GEMIN8: variants seen among roughly 807,000 people sequenced by gnomAD.
The protein encoded by GEMIN8 is gem nuclear organelle associated protein 8.
For synonymous variants in GEMIN8, 80 were observed against 78.5 expected (o/e 1.02, Z -0.10); for missense variants, 185 against 205.9 (o/e 0.90, Z 0.62).
chrX:14,012,149 G>A (rs1411210084), intron 4 of GEMIN8, among the ~76,000 whole-genome samples: 2 of 89,544 alleles, frequency 2.2e-5, no homozygotes, highest in African/African-American at 8.4e-5. Context: ...TTTTTTTTTC[G>A]CTCTGTCACT....
intron 4 of GEMIN8, 142 bp from the exon 5 acceptor site, chrX:14,009,311 C>A: frequency 1.8e-6 from 1 of 559,808 alleles, no homozygotes; most frequent in South Asian, 3.0e-5. Context: ...ACTGTGAAAC[C>A]AGGCCCAAGT....
At chrX:13,991,737 C>CCT in the GEMIN8 span, among the ~76,000 whole-genome samples, 33,707 of 110,327 alleles carry the variant, frequency 0.31, 3,779 homozygotes, top group South Asian at 0.36. Context: ...TCCCATCTCC[C>CCT]GTTTAAACAT....
the GEMIN8 span, among the ~76,000 whole-genome samples, chrX:13,986,835 A>T: frequency 1.8e-5 from 2 of 112,237 alleles, no homozygotes; most frequent in Non-Finnish European, 3.8e-5. Context: ...GTTCACTGGG[A>T]TGTACCTTCC....
the GEMIN8 span, among the ~76,000 whole-genome samples, chrX:13,994,994 C>G: frequency 8.9e-6 from 1 of 111,792 alleles, no homozygotes; most frequent in Admixed American, 9.5e-5. Flanking sequence ...AACAAGGAAG[C>G]CAGTGGTGGA....
the GEMIN8 span, among the ~76,000 whole-genome samples, chrX:13,986,352 A>G: frequency 8.9e-6 from 1 of 112,490 alleles, no homozygotes; most frequent in South Asian, 3.7e-4. Flanking sequence ...TGTAGGTAAC[A>G]AAGATTTCAA....
chrX:14,012,085 T>C (rs1923588107), intron 4 of GEMIN8, among the ~76,000 whole-genome samples: 1 of 110,574 alleles, frequency 9.0e-6, no homozygotes, highest in South Asian at 3.9e-4. Context: ...AGCCCTCTGC[T>C]TTTGATTCTT....
chrX:14,021,954 GT>G (rs1403957207), intron 2 of GEMIN8, among the ~76,000 whole-genome samples: 6 of 95,568 alleles, frequency 6.3e-5, no homozygotes, highest in Admixed American at 1.2e-4. Context: ...ATATGTATAT[GT>G]ATGTATACAC....
chrX:13,991,711 C>T, the GEMIN8 span, among the ~76,000 whole-genome samples: 4 of 97,748 alleles, frequency 4.1e-5, no homozygotes, highest in Non-Finnish European at 6.4e-5. Flanking sequence ...ATGACATACA[C>T]GCACACACAC....
chrX:14,011,516 C>CTTTTTT lies in GEMIN8; in HGVS notation c.473-2353_473-2348dup, dbSNP rs575651297. Among the ~76,000 whole-genome samples the CTTTTTT allele has an allele frequency of 5.7e-3, 344 of 60,363 alleles. 22 individuals are homozygous for CTTTTTT. Among genetic ancestry groups the CTTTTTT allele is most frequent in the African/African-American group, 0.01 (147 of 14,403 alleles). 52.4% of individuals were successfully genotyped at this position (60,363 alleles called of 115,157 possible). On this transcript the variant is annotated intron_variant, in intron 4 of 4. Transcript: ENST00000680255. ...TACCCATTACCAATCCTATGGCTCT[C>CTTTTTT]TTTTTTTTTTTTTTTTTTTTTTTTT...
chrX:14,026,664 G>A (rs1158252195), intron 1 of GEMIN8, among the ~76,000 whole-genome samples: 1 of 112,236 alleles, frequency 8.9e-6, no homozygotes, highest in Non-Finnish European at 1.9e-5. Flanking sequence ...GACAGGTAGT[G>A]CCATCAAATA....
In GEMIN8 at chrX:14,027,963, A is replaced by G. The variant is rs746601041; in HGVS notation, c.-115-1742T>C. 7.1e-5 allele frequency among the ~76,000 whole-genome samples: 8 copies of G among 112,764 alleles called. No individual in the cohort carries two copies. In the South Asian group the frequency reaches 2.9e-3, roughly 41 times the overall value. On this transcript the variant is annotated intron_variant, in intron 1 of 4. Transcript: ENST00000680255. ...AACCTAGTGTGACCATAAGGTAATAAGGGTTGAATAGGCAGGTTCTGCAAA... is the reference window on the plus strand; with the variant it reads ...AACCTAGTGTGACCATAAGGTAATAGGGGTTGAATAGGCAGGTTCTGCAAA...
chrX:14,017,167 G>A lies in GEMIN8; in HGVS notation c.472+2911C>T, dbSNP rs192169289. 1.6e-4 allele frequency among the ~76,000 whole-genome samples: 18 copies of A among 110,487 alleles called. No individual in the cohort carries two copies. In the East Asian group the frequency reaches 5.1e-3, roughly 31 times the overall value. On this transcript the variant is annotated intron_variant, in intron 4 of 4. Coordinates refer to ENST00000680255, the MANE Select transcript of GEMIN8 (RefSeq NM_001042479.2). ...TGAGGCAACTGAGGCAAAGAATGGTGAAGGCAGGGGGCTTACAGGAGGACG... is the reference window on the plus strand; with the variant it reads ...TGAGGCAACTGAGGCAAAGAATGGTAAAGGCAGGGGGCTTACAGGAGGACG...
intron 4 of GEMIN8, among the ~76,000 whole-genome samples, chrX:14,013,497 G>A (rs952344366): frequency 1.8e-5 from 2 of 112,360 alleles, no homozygotes; most frequent in African/African-American, 6.5e-5. Flanking sequence ...CACAGAAGGT[G>A]ACCTTATTTG....
chrX:14,017,938 G>A (rs765138436), intron 4 of GEMIN8, among the ~76,000 whole-genome samples: 2 of 112,024 alleles, frequency 1.8e-5, no homozygotes, highest in South Asian at 7.5e-4. Flanking sequence ...GTGCAATTTG[G>A]AGCCGTAAAG....
intron 1 of GEMIN8, chrX:14,026,458 A>G: frequency 1.4e-6 from 1 of 699,579 alleles, no homozygotes; most frequent in Non-Finnish European, 1.7e-6. Context: ...CTGAGTCTTG[A>G]ATGATATATT....
intron 4 of GEMIN8, among the ~76,000 whole-genome samples, chrX:14,017,040 T>C (rs1923979877): frequency 9.2e-6 from 1 of 108,198 alleles, no homozygotes; most frequent in African/African-American, 3.4e-5. Flanking sequence ...CCAAGCACCA[T>C]TCTATAACTT....
chrX:13,984,983 T>C, the GEMIN8 span, among the ~76,000 whole-genome samples: 1 of 111,251 alleles, frequency 9.0e-6, no homozygotes, highest in Non-Finnish European at 1.9e-5. Flanking sequence ...GCAGCTTTAA[T>C]TGGCAAAATT....
intron 4 of GEMIN8, among the ~76,000 whole-genome samples, chrX:14,019,598 T>A (rs1265943830): frequency 1.8e-5 from 2 of 111,938 alleles, no homozygotes; most frequent in Admixed American, 1.9e-4. Flanking sequence ...CAGGGACAAG[T>A]CCTAGTATAC....
At chrX:14,001,985 G>A (rs930358954), downstream of GEMIN8, among the ~76,000 whole-genome samples, 4 of 107,517 alleles carry the variant, frequency 3.7e-5, no homozygotes, top group South Asian at 1.7e-3. Context: ...GCCGGGCGTG[G>A]TGGTAGGCAC....
Sources: allele counts gnomAD v4.1 joint callset (sites outside exome capture counted in the v4.1 genomes callset), GRCh38; gene constraint gnomAD v4.1.1; transcripts MANE v1.5; gene names NCBI Gene and HGNC (gene_info 2026-07-23, HGNC 2026-07-21).